The following HS6ST3 variants were observed in gnomAD, a reference collection of about 807,000 sequenced individuals.
The protein encoded by HS6ST3 is heparan sulfate 6-O-sulfotransferase 3.
A neutral mutation model predicts 36.7 loss-of-function variants in HS6ST3; 12 were observed. That is an observed-to-expected ratio of 0.33 (90% CI 0.21 to 0.53). The LOEUF (loss-of-function observed/expected upper bound fraction) is 0.53, where lower values mean the gene tolerates loss of function less well. Among genes scored for constraint, HS6ST3 ranks in the 20% least tolerant of loss-of-function variants. The pLI is 0.95. For missense variants in HS6ST3, 584 were observed against 640.9 expected, an observed-to-expected ratio of 0.91 and a Z score of 0.96; for synonymous variants, 240 against 257.5, an observed-to-expected ratio of 0.93 and a Z score of 0.65.
intron 1 of HS6ST3, among the ~76,000 whole-genome samples, chr13:96,200,223 T>C (rs935099292): frequency 2.6e-5 from 4 of 152,342 alleles, no homozygotes; most frequent in Non-Finnish European, 5.9e-5. Context: ...AACTCTGCAA[T>C]GGCTGCCCAT....
chr13:96,518,585 A>T (rs1420309631), intron 1 of HS6ST3, among the ~76,000 whole-genome samples: 3 of 152,154 alleles, frequency 2.0e-5, no homozygotes, highest in Non-Finnish European at 4.4e-5. Context: ...ACATTTCTTA[A>T]AACTAGTAAC....
Position 96,836,572 on chromosome 13 carries a change from G to A in HS6ST3, c.*3374G>A, listed in dbSNP as rs554608508. ...TCTCATCTAAAGGAGGTAACTTTGT[G>A]ATAATTAGTTTGATTAAAAGTTTGA... On this transcript the variant is annotated 3_prime_UTR_variant, in exon 2 of 2. Transcript: ENST00000376705. The A allele has an allele frequency of 2.6e-5, 4 of 152,304 alleles. 1 individual carries two copies. The highest frequency in any genetic ancestry group is 6.8e-3 in the Middle Eastern group (2 of 294). 9.4% of individuals were successfully genotyped at this position (152,304 alleles called of 1,614,324 possible).
At chr13:96,569,535 A>G (rs972161842) in intron 1 of HS6ST3, among the ~76,000 whole-genome samples, 5 of 152,182 alleles carry the variant, frequency 3.3e-5, no homozygotes, top group African/African-American at 1.2e-4. Flanking sequence ...ACTTTCTATT[A>G]CTAGAGGCTG....
intron 1 of HS6ST3, among the ~76,000 whole-genome samples, chr13:96,282,595 A>G (rs1379539889): frequency 6.6e-6 from 1 of 152,196 alleles, no homozygotes; most frequent in Non-Finnish European, 1.5e-5. Context: ...ACAATATCTC[A>G]TTAAAATATT....
At chr13:96,288,855 A>C (rs1244431890) in intron 1 of HS6ST3, among the ~76,000 whole-genome samples, 5 of 152,104 alleles carry the variant, frequency 3.3e-5, no homozygotes, top group Non-Finnish European at 7.4e-5. Flanking sequence ...AATATAATTA[A>C]GGAAATAGTA....
intron 1 of HS6ST3, among the ~76,000 whole-genome samples, chr13:96,612,692 C>G (rs1024755577): frequency 1.1e-4 from 17 of 152,296 alleles, no homozygotes; most frequent in African/African-American, 4.1e-4. Flanking sequence ...ACTCCTCTCT[C>G]TCACATAGCA....
chr13:96,602,788 G>A (rs1463105299), intron 1 of HS6ST3, among the ~76,000 whole-genome samples: 1 of 152,176 alleles, frequency 6.6e-6, no homozygotes, highest in African/African-American at 2.4e-5. Flanking sequence ...GGTTCTGCCT[G>A]TTGCTGTATT....
chr13:96,139,542 A>G (rs529826071), intron 1 of HS6ST3, among the ~76,000 whole-genome samples: 3 of 10,274 alleles, frequency 2.9e-4, no homozygotes, highest in African/African-American at 7.8e-4. Flanking sequence ...TAAGATTCAG[A>G]AAAAAAAAAA....
intron 1 of HS6ST3, among the ~76,000 whole-genome samples, chr13:96,157,152 C>G (rs2054114277): frequency 6.6e-6 from 1 of 152,186 alleles, no homozygotes; most frequent in Admixed American, 6.5e-5. Flanking sequence ...AATCGCTAAC[C>G]TACTTTCTTA....
chr13:96,326,180 AT>A (rs35384242), intron 1 of HS6ST3, among the ~76,000 whole-genome samples: 63,827 of 149,050 alleles, frequency 0.43, 13,854 homozygotes, highest in Non-Finnish European at 0.5. Context: ...TTTTTTTTTA[AT>A]TTTTTTTTAT....
At chr13:96,264,370 C>G (rs1042113862) in intron 1 of HS6ST3, among the ~76,000 whole-genome samples, 1 of 152,132 alleles carries the variant, frequency 6.6e-6, no homozygotes, top group East Asian at 1.9e-4. Context: ...CTGAAAGGGG[C>G]TCCAGAGCCT....
At chr13:96,225,736 T>G (rs908183215) in intron 1 of HS6ST3, among the ~76,000 whole-genome samples, 2 of 152,224 alleles carry the variant, frequency 1.3e-5, no homozygotes, top group African/African-American at 4.8e-5. Flanking sequence ...TTTACCCAGA[T>G]TTTTTGGTTT....
At chr13:96,819,773 G>T (rs1878494088) in intron 1 of HS6ST3, among the ~76,000 whole-genome samples, 1 of 152,070 alleles carries the variant, frequency 6.6e-6, no homozygotes, top group Non-Finnish European at 1.5e-5. Flanking sequence ...CTTGTATATG[G>T]CCAGGCACAG....
intron 1 of HS6ST3, among the ~76,000 whole-genome samples, chr13:96,723,666 G>A (rs1320762185): frequency 6.6e-6 from 1 of 152,150 alleles, no homozygotes; most frequent in East Asian, 1.9e-4. Context: ...TTCCTGTGTT[G>A]CATTCACAGC....
chr13:96,407,692 C>A (rs757136913), intron 1 of HS6ST3, among the ~76,000 whole-genome samples: 1 of 151,986 alleles, frequency 6.6e-6, no homozygotes, highest in African/African-American at 2.4e-5. Flanking sequence ...AAATTGTCCT[C>A]GTCCATGGAG....
intron 1 of HS6ST3, among the ~76,000 whole-genome samples, chr13:96,494,889 G>C (rs1267541689): frequency 6.6e-6 from 1 of 152,122 alleles, no homozygotes; most frequent in Non-Finnish European, 1.5e-5. Context: ...ATCTCTCCTT[G>C]ATACATGCTT....
At chr13:96,502,682 G>A (rs2056009954) in intron 1 of HS6ST3, among the ~76,000 whole-genome samples, 1 of 152,114 alleles carries the variant, frequency 6.6e-6, no homozygotes, top group Non-Finnish European at 1.5e-5. Context: ...GCAACTGGTG[G>A]TCTTCTAATG....
intron 1 of HS6ST3, among the ~76,000 whole-genome samples, chr13:96,207,340 C>CTTTTCCTTTTTCTTGTTCA (rs1339165316): frequency 3.3e-5 from 5 of 151,938 alleles, no homozygotes; most frequent in African/African-American, 1.2e-4. Flanking sequence ...AAAAGGAATG[C>CTTTTCCTTTTTCTTGTTCA]TTTTCCTTTT....
chr13:96,130,241 C>G (rs1376966191), intron 1 of HS6ST3, among the ~76,000 whole-genome samples: 3 of 152,088 alleles, frequency 2.0e-5, no homozygotes, highest in Non-Finnish European at 4.4e-5. Context: ...GACACACTAG[C>G]AGAATGGCTT....
Sources: allele counts gnomAD v4.1 joint callset (sites outside exome capture counted in the v4.1 genomes callset), GRCh38; gene constraint gnomAD v4.1.1; transcripts MANE v1.5; gene names NCBI Gene and HGNC (gene_info 2026-07-23, HGNC 2026-07-21).